The following LRP1B variants were observed in gnomAD, a reference collection of about 807,000 sequenced individuals.
LRP1B encodes the protein LDL receptor related protein 1B.
Under a neutral mutation model 556.6 loss-of-function variants are expected in LRP1B, and 217 were observed. The ratio of observed to expected loss-of-function variants is 0.39; its 90% CI spans 0.35 to 0.44. LRP1B has a LOEUF of 0.44. Among genes scored for constraint, LRP1B ranks in the 20% least tolerant of loss-of-function variants. The pLI is 1.00. For synonymous variants in LRP1B, 2,047 were observed against 1,865.8 expected (o/e 1.10, Z -2.50); for missense variants, 5,053 against 5,620.8 (o/e 0.90, Z 3.23).
chr2:141,684,443 A>C (rs1007320483), intron 2 of LRP1B, among the ~76,000 whole-genome samples: 2 of 151,908 alleles, frequency 1.3e-5, no homozygotes, highest in African/African-American at 4.8e-5. Flanking sequence ...ATCACAAACC[A>C]GGGCCTGCCG....
intron 1 of LRP1B, among the ~76,000 whole-genome samples, chr2:141,991,136 A>C (rs1008796662): frequency 1.3e-5 from 2 of 152,054 alleles, no homozygotes; most frequent in African/African-American, 4.8e-5. Flanking sequence ...TTAAACACTT[A>C]GTTACACATG....
chr2:140,239,441 CCTT>C lies in LRP1B; in HGVS notation c.13413_13415del (p.Arg4472del), dbSNP rs775074064. On this transcript the variant is annotated inframe_deletion and splice_region_variant, in exon 88 of 91. Transcript: ENST00000389484. ...TGCTAATCTAGAACATTGCATCTTA[CCTT>C]CTTTTTCTTTTACAAAGCACTAAAC... is the stretch of plus-strand genomic sequence containing the variant. The C allele has an allele frequency of 8.9e-6, 14 of 1,575,228 alleles. No individual in the cohort carries two copies. Among genetic ancestry groups the C allele is most frequent in the East Asian group, 2.3e-5 (1 of 43,846 alleles).
rs556365392 is a variant in LRP1B, at chr2:140,741,668, T to C, written c.5759-24852A>G. Among the ~76,000 whole-genome samples the C allele has an allele frequency of 2.3e-4, 35 of 151,770 alleles. 1 individual carries two copies. The highest frequency in any genetic ancestry group is 1.9e-3 in the Admixed American group (29 of 15,256). On this transcript the variant is annotated intron_variant, in intron 35 of 90. Transcript: ENST00000389484. ...ATTCTCAAGTAGGCCTCTGTGTCTA[T>C]TGTTCTCTTCTCTGTATCCATATGT... is the stretch of plus-strand genomic sequence containing the variant.
chr2:141,057,723 A>C (rs893123862), intron 9 of LRP1B, among the ~76,000 whole-genome samples: 1 of 151,880 alleles, frequency 6.6e-6, no homozygotes, highest in Non-Finnish European at 1.5e-5. Flanking sequence ...GTGGAACTGT[A>C]AGTCCAATTA....
chr2:141,137,704 T>C (rs1162881308), intron 7 of LRP1B, among the ~76,000 whole-genome samples: 1 of 151,966 alleles, frequency 6.6e-6, no homozygotes, highest in Admixed American at 6.6e-5. Context: ...CATGCAATAA[T>C]GATATTTTAT....
intron 36 of LRP1B, among the ~76,000 whole-genome samples, chr2:140,716,343 G>A (rs1039768886): frequency 1.3e-5 from 2 of 151,938 alleles, no homozygotes; most frequent in African/African-American, 2.4e-5. Flanking sequence ...ATGGTAAAAC[G>A]AAGTTGAAAC....
chr2:141,918,723 T>C (rs963090241), intron 1 of LRP1B, among the ~76,000 whole-genome samples: 1 of 152,156 alleles, frequency 6.6e-6, no homozygotes, highest in Non-Finnish European at 1.5e-5. Flanking sequence ...GTATTAGGAA[T>C]ATAGAAAATA....
At chr2:141,049,415 A>G (rs1698972643) in intron 10 of LRP1B, among the ~76,000 whole-genome samples, 193 bp from the exon 11 acceptor site, 2 of 152,128 alleles carry the variant, frequency 1.3e-5, no homozygotes, top group African/African-American at 2.4e-5. Context: ...AACAGAAATT[A>G]CTTCCGCAAA....
chr2:140,637,937 G>A (rs915116427), intron 41 of LRP1B, among the ~76,000 whole-genome samples: 2 of 152,014 alleles, frequency 1.3e-5, no homozygotes, highest in African/African-American at 4.8e-5. Context: ...CGTGATCAAG[G>A]TATTAGCACT....
At chr2:140,293,837 A>G (rs1414849414) in intron 84 of LRP1B, among the ~76,000 whole-genome samples, 1 of 152,204 alleles carries the variant, frequency 6.6e-6, no homozygotes, top group Non-Finnish European at 1.5e-5. Context: ...CTGGGGTCCA[A>G]TTCTGACTAT....
chr2:141,895,612 A>G (rs544563128), intron 1 of LRP1B, among the ~76,000 whole-genome samples: 2 of 152,310 alleles, frequency 1.3e-5, no homozygotes, highest in Admixed American at 6.5e-5. Flanking sequence ...TTTTCCACCC[A>G]TGAGACTTGG....
At chr2:140,530,250 T>C (rs1690630081) in intron 47 of LRP1B, among the ~76,000 whole-genome samples, 1 of 151,806 alleles carries the variant, frequency 6.6e-6, no homozygotes, top group Non-Finnish European at 1.5e-5. Context: ...GATAGGTGAT[T>C]TGTGTGTCTG....
intron 7 of LRP1B, among the ~76,000 whole-genome samples, chr2:141,094,343 A>G (rs183299774): frequency 2.3e-3 from 346 of 152,314 alleles, no homozygotes; most frequent in Non-Finnish European, 2.7e-3. Flanking sequence ...CCCAAACCTT[A>G]TAACTATATT....
chr2:141,563,062 T>G (rs1434421681), intron 2 of LRP1B, among the ~76,000 whole-genome samples: 1 of 151,970 alleles, frequency 6.6e-6, no homozygotes, highest in Admixed American at 6.6e-5. Context: ...ACTGGATATA[T>G]GAAGTGGAGA....
At chr2:141,589,593 A>C (rs1343703317) in intron 2 of LRP1B, among the ~76,000 whole-genome samples, 1 of 152,184 alleles carries the variant, frequency 6.6e-6, no homozygotes, top group Non-Finnish European at 1.5e-5. Flanking sequence ...CACTTGTTAA[A>C]ATTGTCAGTA....
At chr2:141,428,265 T>C (rs1680442890) in intron 3 of LRP1B, among the ~76,000 whole-genome samples, 1 of 152,314 alleles carries the variant, frequency 6.6e-6, no homozygotes, top group Non-Finnish European at 1.5e-5. Flanking sequence ...GCAGTATGAC[T>C]GATGCATTTG....
At chr2:140,657,575 A>ACATG (rs1684926660) in intron 41 of LRP1B, among the ~76,000 whole-genome samples, 1 of 49,176 alleles carries the variant, frequency 2.0e-5, no homozygotes, top group South Asian at 6.7e-4. Flanking sequence ...ACACATACAT[A>ACATG]CATATATATA....
At chr2:141,068,557 CAAAAAAAAAAA>C (rs564540035) in intron 7 of LRP1B, among the ~76,000 whole-genome samples, 1 of 71,612 alleles carries the variant, frequency 1.4e-5, no homozygotes, top group African/African-American at 5.1e-5. Context: ...ATGTGGTTGG[CAAAAAAAAAAA>C]AAAAAAAAAG....
At chr2:141,389,905 T>C (rs976725697) in intron 3 of LRP1B, among the ~76,000 whole-genome samples, 2 of 152,132 alleles carry the variant, frequency 1.3e-5, no homozygotes, top group Non-Finnish European at 2.9e-5. Flanking sequence ...TTTGGGAGGC[T>C]GAGGCAGGTG....
Sources: gnomAD v4.1 joint callset for allele counts (sites outside exome capture counted in the v4.1 genomes callset) on GRCh38, gnomAD v4.1.1 for gene constraint, MANE v1.5 for transcripts, NCBI Gene and HGNC (gene_info 2026-07-23, HGNC 2026-07-21) for gene names.